Variants in FANCM observed in about 807,000 individuals in gnomAD.
FANCM encodes the protein Fanconi anemia group M protein.
Under a neutral mutation model 199.5 loss-of-function variants are expected in FANCM, and 140 were observed. That is an observed-to-expected ratio of 0.70 (90% CI 0.61 to 0.81). The LOEUF is 0.81. FANCM is among the 30% of genes least tolerant of loss of function. The pLI, the probability that FANCM is intolerant of heterozygous loss-of-function variation, is 0.00. For synonymous variants in FANCM, 840 were observed against 836.8 expected, an observed-to-expected ratio of 1.00 and a Z score of -0.07; for missense variants, 2,410 against 2,421.4, an observed-to-expected ratio of 1.00 and a Z score of 0.10.
chr14:45,189,425 TTGTG>T, intron 20 of FANCM, 63 bp downstream of exon 20: 5 of 1,325,808 alleles, frequency 3.8e-6, no homozygotes, highest in Non-Finnish European at 4.3e-6. Context: ...TTTTTCTTTC[TTGTG>T]TGTGTGTTTT....
Position 45,136,470 on chromosome 14 carries a change from G to C in FANCM, c.439G>C (p.Val147Leu). Residue 147 changes from valine to leucine, a missense_variant, in exon 1 of 23, where the codon GTG becomes CTG. Val to Leu is a conservative substitution (Grantham distance 32). Transcript: ENST00000267430. ...CTTCATGGCCCCAACGAAACCCTTGGTGACACAGCAGATCGAGGCTTGCTA... is the reference window on the plus strand; with the variant it reads ...CTTCATGGCCCCAACGAAACCCTTGCTGACACAGCAGATCGAGGCTTGCTA... ...VVFMAPTKPL[V>L]TQQIEACYQV... 1.2e-6 allele frequency: 2 copies of C among 1,614,142 alleles called. No individual in the cohort carries two copies. The highest frequency in any genetic ancestry group is 1.7e-6 in the Non-Finnish European group (2 of 1,180,032).
At position 45,175,332 on chromosome 14, in the gene FANCM, G is replaced by A; in HGVS notation, c.2578G>A (p.Glu860Lys). The A allele has an allele frequency of 6.4e-7, 1 of 1,558,540 alleles. No individual in the cohort carries two copies. The highest frequency in any genetic ancestry group is 8.7e-7 in the Non-Finnish European group (1 of 1,152,564). Residue 860 changes from glutamate to lysine, a missense_variant, in exon 14 of 23, where the codon GAA (glutamate) becomes AAA (lysine). By Grantham distance (56) the Glu-to-Lys change is moderately conservative. Coordinates refer to ENST00000267430, the MANE Select transcript of FANCM (RefSeq NM_020937.4). ...IVSLKKKVSK[E>K]IKKDQLKKEN... The stretch of plus-strand genomic sequence containing the variant: ...TTCTTTAAAGAAAAAAGTGTCTAAA[G>A]AAATAAAAAAAGATCAGCTTAAAAA...
At chr14:45,199,026 C>T (rs1890225216) in intron 22 of FANCM, 91 bp downstream of exon 22, 3 of 957,730 alleles carry the variant, frequency 3.1e-6, no homozygotes, top group East Asian at 5.2e-5. Context: ...ATTTAAGCGG[C>T]ATCATGCCTG....
intron 9 of FANCM, among the ~76,000 whole-genome samples, chr14:45,163,134 A>G (rs1887723341): frequency 6.6e-6 from 1 of 152,248 alleles, no homozygotes; most frequent in South Asian, 2.1e-4. Context: ...CAACTAGCTT[A>G]CAGATTAAGT....
In FANCM at chr14:45,176,047, A is replaced by G. The variant is rs372995836; in HGVS notation, c.3293A>G (p.Asn1098Ser). 2.5e-6 allele frequency: 4 copies of G among 1,614,040 alleles called. No homozygotes were observed. The highest frequency in any genetic ancestry group is 1.1e-5 in the South Asian group (1 of 91,078). Reference sequence around the variant, plus strand: ...CAAAATGAAAATTTAGTACCTAACAATCGTGTTCAAATACACAGAAGCCCT... The same window carrying G: ...CAAAATGAAAATTTAGTACCTAACAGTCGTGTTCAAATACACAGAAGCCCT... ...HNQNENLVPN[N>S]RVQIHRSPAQ... The change falls in exon 14 of 23, where the codon AAT becomes AGT. Residue 1098 changes from asparagine to serine, a missense_variant. Coordinates refer to ENST00000267430, the MANE Select transcript of FANCM (RefSeq NM_020937.4).
At chr14:45,154,998 T>C (rs1371991045) in intron 7 of FANCM, among the ~76,000 whole-genome samples, 176 bp downstream of exon 7, 1 of 152,214 alleles carries the variant, frequency 6.6e-6, no homozygotes, top group Non-Finnish European at 1.5e-5. Flanking sequence ...ATTTAAAGTT[T>C]ATATGCTTTA....
chr14:45,187,324 C>A (rs370902892), intron 18 of FANCM, among the ~76,000 whole-genome samples: 2 of 150,032 alleles, frequency 1.3e-5, no homozygotes, highest in African/African-American at 4.9e-5. Flanking sequence ...TAAAAAAAAA[C>A]CAATGTGTTT....
intron 11 of FANCM, 22 bp downstream of exon 11, chr14:45,167,185 C>T (rs538274273): frequency 7.1e-7 from 1 of 1,412,688 alleles, no homozygotes; most frequent in South Asian, 1.1e-5. Flanking sequence ...TTGCATTTGA[C>T]ACATGCATTT....
Position 45,138,475 on chromosome 14 carries a change from A to G in FANCM, c.681+1234A>G, listed in dbSNP as rs536450452. 2.3e-4 allele frequency among the ~76,000 whole-genome samples: 35 copies of G among 152,208 alleles called. 1 individual carries two copies. The South Asian group carries it at 7.0e-3, about 31-fold the overall frequency. ...ATATAATATATTTTTCCACTTATTGATATCATTCCAAATTAAATTAATACA... is the reference window on the plus strand; with the variant it reads ...ATATAATATATTTTTCCACTTATTGGTATCATTCCAAATTAAATTAATACA... On this transcript the variant is annotated intron_variant, in intron 2 of 22. Coordinates refer to ENST00000267430, the MANE Select transcript of FANCM (RefSeq NM_020937.4).
At chr14:45,158,853 G>A (rs1381377233) in intron 8 of FANCM, among the ~76,000 whole-genome samples, 1 of 152,116 alleles carries the variant, frequency 6.6e-6, no homozygotes, top group Non-Finnish European at 1.5e-5. Flanking sequence ...GTTTATTAGA[G>A]ACTGGGTCTT....
chr14:45,196,052 G>C (rs1890036679), intron 20 of FANCM, 120 bp from the exon 21 acceptor site: 1 of 1,024,526 alleles, frequency 9.8e-7, no homozygotes. Context: ...TGTCACTTTG[G>C]TCAAATTGAA....
chr14:45,180,997 T>C (rs1429795078), intron 14 of FANCM: 1 of 180,362 alleles, frequency 5.5e-6, no homozygotes, highest in Non-Finnish European at 1.2e-5. Flanking sequence ...TAACAAAGAA[T>C]CTTTTAATAT....
At chr14:45,167,921 A>C (rs887747373) in intron 11 of FANCM, among the ~76,000 whole-genome samples, 1 of 152,068 alleles carries the variant, frequency 6.6e-6, no homozygotes, top group Non-Finnish European at 1.5e-5. Context: ...TGTTAATATA[A>C]ATTATATTTC....
chr14:45,169,182 A>G (rs1284592053), intron 11 of FANCM, among the ~76,000 whole-genome samples: 1 of 151,928 alleles, frequency 6.6e-6, no homozygotes, highest in Non-Finnish European at 1.5e-5. Flanking sequence ...TAGGCCTCCC[A>G]AAGTGCTGGG....
At chr14:45,148,301 C>T (rs1250105517) in intron 3 of FANCM, among the ~76,000 whole-genome samples, 1 of 151,432 alleles carries the variant, frequency 6.6e-6, no homozygotes, top group Non-Finnish European at 1.5e-5. Flanking sequence ...AATTGTTAAT[C>T]GCACTGTCAG....
Position 45,181,682 on chromosome 14 carries a change from A to G in FANCM, c.4363A>G (p.Lys1455Glu). ...TGATTCTCCACTTCATGCTGTCAAA[A>G]AGCGCAGATTTCCTATAAACAGAGT... Reference protein sequence around the residue: ...EVDSPLHAVKKRRFPINRSEL... With the variant: ...EVDSPLHAVKERRFPINRSEL... The change falls in exon 16 of 23, where the codon AAG becomes GAG. Residue 1455 changes from lysine (K) to glutamate (E), a missense_variant. Lys to Glu is a moderately conservative substitution (Grantham distance 56, BLOSUM62 1). Transcript: ENST00000267430. 1 of 1,610,450 alleles carries G rather than the reference A, an allele frequency of 6.2e-7. No homozygotes were observed. Among genetic ancestry groups the G allele is most frequent in the Non-Finnish European group, 8.5e-7 (1 of 1,177,226 alleles).
rs1375995948 is a variant in FANCM at position 45,176,310 on chromosome 14, A to G, written c.3556A>G (p.Asn1186Asp). 1.2e-6 allele frequency: 2 copies of G among 1,614,054 alleles called. No homozygotes were observed. The highest frequency in any genetic ancestry group is 2.2e-5 in the East Asian group (1 of 44,874). The change falls in exon 14 of 23, where the codon AAT becomes GAT. Residue 1186 changes from asparagine (N) to aspartate (D), a missense_variant. Coordinates refer to ENST00000267430, the MANE Select transcript of FANCM (RefSeq NM_020937.4). The part of the protein sequence containing the change: ...FLISDELLLD[N>D]NSELQDQITR... Reference sequence around the variant, plus strand: ...AATTTCTGATGAACTTTTGTTGGACAATAATTCTGAACTCCAAGATCAAAT... The same window carrying G: ...AATTTCTGATGAACTTTTGTTGGACGATAATTCTGAACTCCAAGATCAAAT...
At chr14:45,177,729 C>T (rs1888806169) in intron 14 of FANCM, among the ~76,000 whole-genome samples, 1 of 151,590 alleles carries the variant, frequency 6.6e-6, no homozygotes, top group African/African-American at 2.4e-5. Context: ...ATTTGGGTTC[C>T]TTGGGAATAT....
In FANCM at chr14:45,136,323, A is replaced by C; in HGVS notation, c.292A>C (p.Ile98Leu). ...NCPVRDYQLHISRAALFCNTL... is the reference protein window; with the variant it reads ...NCPVRDYQLHLSRAALFCNTL... ...CCCAGTGCGGGACTACCAGCTGCAC[A>C]TTTCCCGGGCTGCTCTGTTTTGCAA... is the stretch of plus-strand genomic sequence containing the variant. The change falls in exon 1 of 23, where the codon ATT becomes CTT. Residue 98 changes from isoleucine (I) to leucine (L), a missense_variant. Coordinates refer to ENST00000267430, the MANE Select transcript of FANCM (RefSeq NM_020937.4). The C allele has an allele frequency of 6.2e-7, 1 of 1,614,020 alleles. No homozygotes were observed. Among genetic ancestry groups the C allele is most frequent in the East Asian group, 2.2e-5 (1 of 44,882 alleles).
Sources: allele counts gnomAD v4.1 joint callset (sites outside exome capture counted in the v4.1 genomes callset), GRCh38; gene constraint gnomAD v4.1.1; transcripts MANE v1.5; gene names NCBI Gene and HGNC (gene_info 2026-07-23, HGNC 2026-07-21).